SGO2: variants seen among roughly 807,000 people sequenced by gnomAD.
SGO2 encodes the protein shugoshin 2, also known as shugoshin-like 2.
A neutral mutation model predicts 99.5 loss-of-function variants in SGO2; 68 were observed. The observed-to-expected ratio is 0.68, with a 90% CI of 0.56 to 0.84. The LOEUF is 0.84. Among genes scored for constraint, SGO2 ranks in the 40% least tolerant of loss-of-function variants. SGO2 has a pLI of 0.00. For missense variants in SGO2, 1,350 were observed against 1,436.7 expected (o/e 0.94, Z 0.97); for synonymous variants, 457 against 487.1 (o/e 0.94, Z 0.81).
Position 200,570,536 on chromosome 2 carries a change from TACACACACACATATATAC to T in SGO2, c.704-508_704-491del. On this transcript the variant is annotated intron_variant, in intron 6 of 8. Coordinates refer to ENST00000357799, the MANE Select transcript of SGO2 (RefSeq NM_152524.6). This position sits in a 1 kb window ranked among gnomAD's most constrained non-coding sequence, Gnocchi z 4.4. ...GGCATATGTATATGTATATAATATA[TACACACACACATATATAC>T]ACACATATATATGGTATACATATAA... Among the ~76,000 whole-genome samples, 1 of 142,788 alleles carries T rather than the reference TACACACACACATATATAC, an allele frequency of 7.0e-6. No homozygotes were observed. The highest frequency in any genetic ancestry group is 2.1e-4 in the East Asian group (1 of 4,764). 93.7% of individuals were successfully genotyped at this position (142,788 alleles called of 152,430 possible).
chr2:200,569,935 T>C (rs1453855844), intron 6 of SGO2, 43 bp downstream of exon 6: 3 of 1,273,408 alleles, frequency 2.4e-6, no homozygotes, highest in East Asian at 4.7e-5. Flanking sequence ...TTGTATTAGT[T>C]ACATTCATCA....
chr2:200,561,379 C>A (rs2032958466), intron 5 of SGO2, among the ~76,000 whole-genome samples: 1 of 152,220 alleles, frequency 6.6e-6, no homozygotes, highest in Non-Finnish European at 1.5e-5. Flanking sequence ...TGAACTCATC[C>A]TTTTTTATGG....
Position 200,572,094 on chromosome 2 carries a change from A to T in SGO2, c.1748A>T (p.Asp583Val). The stretch of plus-strand genomic sequence containing the variant: ...ACCAAAGATAATGGAAATTTATGTG[A>T]TTATGGGACCCACAATATATTGGAT... ...LSTKDNGNLCDYGTHNILDLK... is the reference protein window; with the variant it reads ...LSTKDNGNLCVYGTHNILDLK... The change falls in exon 7 of 9, where the codon GAT (aspartate) becomes GTT (valine). Residue 583 changes from aspartate to valine, a missense_variant. Physicochemically the swap from Asp to Val is radical, Grantham distance 152. Transcript: ENST00000357799. The T allele has an allele frequency of 6.2e-7, 1 of 1,613,448 alleles. No individual in the cohort carries two copies. Among genetic ancestry groups the T allele is most frequent in the Non-Finnish European group, 8.5e-7 (1 of 1,179,618 alleles).
At position 200,573,334 on chromosome 2, in the gene SGO2, C is replaced by G; in HGVS notation, c.2988C>G (p.Asn996Lys). ...RKKESSCKAKNILTKAKNKLA... is the reference protein window; with the variant it reads ...RKKESSCKAKKILTKAKNKLA... ...AAGAATCATCATGCAAGGCAAAGAA[C>G]ATTTTGACAAAAGCTAAGAACAAAC... is the stretch of plus-strand genomic sequence containing the variant. Residue 996 changes from asparagine to lysine, a missense_variant, in exon 7 of 9, where the codon AAC becomes AAG. By Grantham distance (94) the Asn-to-Lys change is moderately conservative. Coordinates refer to ENST00000357799, the MANE Select transcript of SGO2 (RefSeq NM_152524.6). 6.2e-7 allele frequency: 1 copy of G among 1,605,418 alleles called. No individual in the cohort carries two copies. The highest frequency in any genetic ancestry group is 8.5e-7 in the Non-Finnish European group (1 of 1,177,508).
chr2:200,537,685 A>C (rs1473178364), intron 4 of SGO2, among the ~76,000 whole-genome samples: 1 of 152,030 alleles, frequency 6.6e-6, no homozygotes, highest in African/African-American at 2.4e-5. Context: ...CACTCCTCCT[A>C]AATAATTTTA....
intron 4 of SGO2, 55 bp from the exon 5 acceptor site, chr2:200,542,524 T>C (rs1359246169): frequency 2.2e-6 from 3 of 1,379,186 alleles, no homozygotes; most frequent in Non-Finnish European, 3.0e-6. Context: ...CTGTGATAAC[T>C]AACATGATTT....
chr2:200,563,854 T>C (rs2033076711), intron 5 of SGO2, among the ~76,000 whole-genome samples: 1 of 152,220 alleles, frequency 6.6e-6, no homozygotes. Flanking sequence ...ATAGAGGTGT[T>C]TGTAGTATTC....
rs2033269658 is a variant in SGO2 at position 200,568,337 on chromosome 2, A to AGATTGCACCTGGGTATTGG, written c.474-1308_474-1307insGGATTGCACCTGGGTATTG. ...ATTGCTTCATATATTGGATAATATT[A>AGATTGCACCTGGGTATTGG]GATTGCACCTGGGTATTGTGTATCC... On this transcript the variant is annotated intron_variant, in intron 5 of 8. Coordinates refer to ENST00000357799, the MANE Select transcript of SGO2 (RefSeq NM_152524.6). Among the ~76,000 whole-genome samples the AGATTGCACCTGGGTATTGG allele has an allele frequency of 2.0e-5, 3 of 152,186 alleles. No individual in the cohort carries two copies. The South Asian group carries it at 6.2e-4, about 32-fold the overall frequency.
At chr2:200,563,286 A>G (rs919384027) in intron 5 of SGO2, among the ~76,000 whole-genome samples, 1 of 152,140 alleles carries the variant, frequency 6.6e-6, no homozygotes, top group African/African-American at 2.4e-5. Flanking sequence ...GAATTTTGTT[A>G]AAGGCCTTTT....
chr2:200,564,000 A>T, intron 5 of SGO2, among the ~76,000 whole-genome samples: 1 of 151,926 alleles, frequency 6.6e-6, no homozygotes, highest in East Asian at 1.9e-4. Flanking sequence ...TGATCTTTTC[A>T]AAAAAACCAG....
chr2:200,556,584 A>G (rs998750772), intron 5 of SGO2, among the ~76,000 whole-genome samples: 3 of 152,166 alleles, frequency 2.0e-5, no homozygotes, highest in African/African-American at 7.2e-5. Flanking sequence ...AGAATCAACA[A>G]ATGATAAAGA....
intron 1 of SGO2, among the ~76,000 whole-genome samples, chr2:200,529,288 G>A (rs2031250840): frequency 2.0e-5 from 3 of 152,122 alleles, no homozygotes; most frequent in Admixed American, 2.0e-4. Context: ...CAAGTTTTTA[G>A]TTTCTAAGAC....
intron 1 of SGO2, among the ~76,000 whole-genome samples, chr2:200,529,464 A>T (rs554864220): frequency 6.6e-6 from 1 of 152,160 alleles, no homozygotes; most frequent in Non-Finnish European, 1.5e-5. Flanking sequence ...AGTATGTTAG[A>T]TAGTGATAGA....
At chr2:200,549,697 C>A (rs1477697860) in intron 5 of SGO2, among the ~76,000 whole-genome samples, 2 of 152,154 alleles carry the variant, frequency 1.3e-5, no homozygotes, top group Non-Finnish European at 2.9e-5. Flanking sequence ...TGGTAAAATT[C>A]AACATCCCTT....
In SGO2 at chr2:200,573,668, A is replaced by G. The variant is rs375660361; in HGVS notation, c.3322A>G (p.Thr1108Ala). The change falls in exon 7 of 9, where the codon ACT becomes GCT. Residue 1108 changes from threonine (T) to alanine (A), a missense_variant. Thr to Ala is a moderately conservative substitution (Grantham distance 58). Transcript: ENST00000357799. ...ACTTGACAGCGTTCAGGGAAAGTCT[A>G]CTGTATCTGAACAAGCTGATAAGGA... The part of the protein sequence containing the change: ...RILDSVQGKS[T>A]VSEQADKENN... 47 of 1,613,348 alleles carry G rather than the reference A, an allele frequency of 2.9e-5. No individual in the cohort carries two copies. Among genetic ancestry groups the G allele is most frequent in the African/African-American group, 2.1e-4 (16 of 75,012 alleles).
At chr2:200,545,533 CAACAAAACAA>C (rs111459726) in intron 5 of SGO2, among the ~76,000 whole-genome samples, 146 of 152,078 alleles carry the variant, frequency 9.6e-4, no homozygotes, top group Middle Eastern at 6.8e-3. Flanking sequence ...TCTCTTGCCC[CAACAAAACAA>C]AACAAAACAA....
intron 5 of SGO2, among the ~76,000 whole-genome samples, chr2:200,564,188 G>A (rs983578273): frequency 1.3e-5 from 2 of 152,252 alleles, no homozygotes; most frequent in Admixed American, 6.5e-5. Context: ...GCTTTCTCTT[G>A]TGGGCATTTA....
chr2:200,583,423 A>T, intron 8 of SGO2, 26 bp from the exon 9 acceptor site: 1 of 1,575,504 alleles, frequency 6.3e-7, no homozygotes, highest in Non-Finnish European at 8.6e-7. Flanking sequence ...GGTTGTTATT[A>T]ATCTTCCTTT....
chr2:200,546,451 T>A (rs1227387586), intron 5 of SGO2, among the ~76,000 whole-genome samples: 1 of 151,096 alleles, frequency 6.6e-6, no homozygotes, highest in African/African-American at 2.4e-5. Context: ...TAAATAATCC[T>A]TCAAGGCAAA....
Sources: allele counts gnomAD v4.1 joint callset (sites outside exome capture counted in the v4.1 genomes callset), GRCh38; gene constraint gnomAD v4.1.1; non-coding constraint Gnocchi (gnomAD v3.1); transcripts MANE v1.5; gene names NCBI Gene and HGNC (gene_info 2026-07-23, HGNC 2026-07-21).